The following TENM2 variants were observed in gnomAD, a reference collection of about 807,000 sequenced individuals.
The protein encoded by TENM2 is teneurin-2.
TENM2 carries 52 observed loss-of-function variants against 245.2 expected under a neutral mutation model. The ratio of observed to expected loss-of-function variants is 0.21; its 90% confidence interval spans 0.17 to 0.27. The LOEUF is 0.27. TENM2 is among the 10% of genes least tolerant of loss of function. The pLI is 1.00. For synonymous variants in TENM2, 1,363 were observed against 1,438.9 expected (o/e 0.95, Z 1.19); for missense variants, 3,046 against 3,666.8 (o/e 0.83, Z 4.37).
At chr5:168,042,140 C>G (rs1319454789) in intron 5 of TENM2, among the ~76,000 whole-genome samples, 1 of 152,106 alleles carries the variant, frequency 6.6e-6, no homozygotes, top group African/African-American at 2.4e-5. Flanking sequence ...TGAGCTCTGC[C>G]ATCATCTCTA....
At chr5:167,304,435 T>G (rs1755543360) in intron 1 of TENM2, among the ~76,000 whole-genome samples, 1 of 152,224 alleles carries the variant, frequency 6.6e-6, no homozygotes, top group Admixed American at 6.5e-5. Flanking sequence ...GTTAAGACGT[T>G]TGGCAGCTAA....
intron 2 of TENM2, among the ~76,000 whole-genome samples, chr5:167,824,003 C>A (rs1443016191): frequency 2.6e-5 from 4 of 152,084 alleles, no homozygotes; most frequent in Non-Finnish European, 5.9e-5. Flanking sequence ...ACCCACCTTA[C>A]CTAATTCAGG....
intron 13 of TENM2, among the ~76,000 whole-genome samples, chr5:168,175,389 T>G (rs1759267001): frequency 1.3e-5 from 2 of 152,190 alleles, no homozygotes; most frequent in Admixed American, 1.3e-4. Context: ...TACATTTCCC[T>G]CAATTTCATC....
chr5:167,143,813 A>T, the TENM2 span, among the ~76,000 whole-genome samples: 4 of 152,174 alleles, frequency 2.6e-5, no homozygotes, highest in Non-Finnish European at 4.4e-5. Flanking sequence ...AACTAATTAT[A>T]TCCACATATA....
chr5:167,371,026 T>C (rs1340107355), intron 1 of TENM2, among the ~76,000 whole-genome samples: 2 of 152,248 alleles, frequency 1.3e-5, no homozygotes. Context: ...CATACTAATT[T>C]ACATTCTGAG....
chr5:167,918,412 G>A lies in TENM2; in HGVS notation c.713-34176G>A, dbSNP rs895144005. 3.3e-5 allele frequency among the ~76,000 whole-genome samples: 5 copies of A among 152,152 alleles called. 1 individual carries two copies. The highest frequency in any genetic ancestry group is 2.0e-4 in the Admixed American group (3 of 15,284). ...AGATGCTTGCCTCGTCTGGGAGGAC[G>A]GTGGGACACGTCACCACCTGCACGT... On this transcript the variant is annotated intron_variant, in intron 3 of 28. Transcript: ENST00000518659.
chr5:168,230,193 A>G (rs1455515680), intron 25 of TENM2, among the ~76,000 whole-genome samples: 1 of 152,238 alleles, frequency 6.6e-6, no homozygotes, highest in Non-Finnish European at 1.5e-5. Flanking sequence ...TATGCAAATC[A>G]AAACACAGTT....
the TENM2 span, among the ~76,000 whole-genome samples, chr5:167,056,555 ATATC>A: frequency 1.4e-5 from 2 of 145,026 alleles, no homozygotes; most frequent in Admixed American, 6.9e-5. Context: ...ATATAAATAT[ATATC>A]TATATAAATA....
chr5:167,297,297 T>C (rs983720775), intron 1 of TENM2, among the ~76,000 whole-genome samples: 1 of 152,186 alleles, frequency 6.6e-6, no homozygotes, highest in Admixed American at 6.5e-5. Context: ...TCTAAACCAC[T>C]ATCGAGTAAT....
chr5:167,182,092 C>A, the TENM2 span, among the ~76,000 whole-genome samples: 4 of 152,248 alleles, frequency 2.6e-5, no homozygotes, highest in East Asian at 7.7e-4. Flanking sequence ...CATTTGTTTT[C>A]TTATTAAAAT....
At chr5:167,936,270 C>T (rs1778706545) in intron 3 of TENM2, among the ~76,000 whole-genome samples, 1 of 152,176 alleles carries the variant, frequency 6.6e-6, no homozygotes, top group African/African-American at 2.4e-5. Flanking sequence ...CAGCTTTGTA[C>T]AGTGAAACCA....
intron 3 of TENM2, among the ~76,000 whole-genome samples, chr5:167,933,695 C>T (rs551150640): frequency 6.6e-6 from 1 of 151,964 alleles, no homozygotes; most frequent in East Asian, 1.9e-4. Context: ...ATTCATGACC[C>T]AGGACCAACT....
intron 2 of TENM2, among the ~76,000 whole-genome samples, chr5:167,685,906 G>C (rs951443639): frequency 6.6e-6 from 1 of 152,166 alleles, no homozygotes; most frequent in African/African-American, 2.4e-5. Context: ...GTAGAAGCAG[G>C]TAGTTATCAG....
intron 15 of TENM2, among the ~76,000 whole-genome samples, chr5:168,196,977 TG>T (rs1458592046): frequency 6.6e-6 from 1 of 152,214 alleles, no homozygotes; most frequent in Non-Finnish European, 1.5e-5. Flanking sequence ...GTTGTAAAGC[TG>T]TGGAAGTCAC....
chr5:168,234,010 G>C (rs1765187748), intron 25 of TENM2, among the ~76,000 whole-genome samples: 1 of 152,048 alleles, frequency 6.6e-6, no homozygotes, highest in Non-Finnish European at 1.5e-5. Context: ...TCAAGATTTG[G>C]GTGGGGACAC....
intron 7 of TENM2, among the ~76,000 whole-genome samples, chr5:168,063,579 A>G (rs907307426): frequency 6.6e-6 from 1 of 152,188 alleles, no homozygotes; most frequent in African/African-American, 2.4e-5. Flanking sequence ...TGGAAAGGCA[A>G]TTCATCTAGA....
chr5:168,228,837 A>AATATATAACATTAATTATATTATTATTAT (rs1764519572), intron 25 of TENM2, among the ~76,000 whole-genome samples: 1 of 149,642 alleles, frequency 6.7e-6, no homozygotes, highest in Non-Finnish European at 1.5e-5. Context: ...TTTTAAAACC[A>AATATATAACATTAATTATATTATTATTAT]ATATATAACA....
rs540326142 is a variant in TENM2, at chr5:168,030,158, C to CTTTTTTTTTT, written c.1187-17249_1187-17240dup. On this transcript the variant is annotated intron_variant, in intron 5 of 28. Coordinates refer to ENST00000518659, the Ensembl canonical transcript of TENM2. ...CTTTGGCCCAAGTCTGGTTCTGGCTCTTTTTTTTTTTTTTTTTTTTTTTTT... is the reference window on the plus strand; with the variant it reads ...CTTTGGCCCAAGTCTGGTTCTGGCTCTTTTTTTTTTTTTTTTTTTTTTTTTTTTTTTTTTT... Among the ~76,000 whole-genome samples, 31 of 65,286 alleles carry CTTTTTTTTTT rather than the reference C, an allele frequency of 4.7e-4. 2 individuals are homozygous for CTTTTTTTTTT. In the East Asian group the frequency reaches 6.2e-3, roughly 13 times the overall value. 42.8% of individuals were successfully genotyped at this position (65,286 alleles called of 152,430 possible). A position where few individuals can be genotyped will look rare whatever the true frequency, so the allele number is the denominator to read the frequency against.
At chr5:167,334,674 C>T (rs1212520499) in intron 1 of TENM2, among the ~76,000 whole-genome samples, 1 of 152,048 alleles carries the variant, frequency 6.6e-6, no homozygotes, top group East Asian at 1.9e-4. Flanking sequence ...TAGCATGCTA[C>T]GACACATTAT....
Sources: gnomAD v4.1 joint callset for allele counts (sites outside exome capture counted in the v4.1 genomes callset) on GRCh38, gnomAD v4.1.1 for gene constraint, MANE v1.5 for transcripts, NCBI Gene and HGNC (gene_info 2026-07-23, HGNC 2026-07-21) for gene names.